The following LRMDA variants were observed in gnomAD, a reference collection of about 807,000 sequenced individuals.
LRMDA encodes leucine rich melanocyte differentiation associated, also known as leucine-rich melanocyte differentiation-associated protein.
A neutral mutation model predicts 29.8 loss-of-function variants in LRMDA; 18 were observed. That is an observed-to-expected ratio of 0.60 (90% confidence interval 0.42 to 0.90). The LOEUF (loss-of-function observed/expected upper bound fraction) is 0.90, where lower values mean the gene tolerates loss of function less well. LRMDA is among the 40% of genes least tolerant of loss of function. LRMDA has a pLI of 0.00. For synonymous variants in LRMDA, 125 were observed against 109.4 expected (o/e 1.14, Z -0.89); for missense variants, 273 against 273.9 (o/e 1.00, Z 0.02).
intron 2 of LRMDA, among the ~76,000 whole-genome samples, chr10:75,958,185 A>G (rs1394107885): frequency 6.6e-6 from 1 of 152,192 alleles, no homozygotes; most frequent in Non-Finnish European, 1.5e-5. Flanking sequence ...GGTGGCCAGC[A>G]GCCCCAAGGG....
chr10:75,775,144 G>A (rs1341928511), intron 2 of LRMDA, among the ~76,000 whole-genome samples: 1 of 152,224 alleles, frequency 6.6e-6, no homozygotes, highest in Non-Finnish European at 1.5e-5. Context: ...GGTTAGGCCT[G>A]TCCACACAAG....
intron 2 of LRMDA, among the ~76,000 whole-genome samples, chr10:76,028,382 G>A (rs1848095803): frequency 1.3e-5 from 2 of 152,044 alleles, no homozygotes; most frequent in South Asian, 4.2e-4. Context: ...TGTTAGAAGG[G>A]TTGCAAATAT....
At chr10:76,544,746 A>G (rs1387554130) in intron 6 of LRMDA, among the ~76,000 whole-genome samples, 3 of 127,648 alleles carry the variant, frequency 2.4e-5, no homozygotes. Flanking sequence ...ACACACACAC[A>G]CACACACAGC....
chr10:75,856,124 G>A (rs533358678), intron 2 of LRMDA, among the ~76,000 whole-genome samples: 16 of 152,050 alleles, frequency 1.1e-4, no homozygotes, highest in Non-Finnish European at 2.1e-4. Flanking sequence ...AGCTTGATGG[G>A]GATGGCATTG....
intron 2 of LRMDA, among the ~76,000 whole-genome samples, chr10:75,808,850 A>G (rs937492190): frequency 2.6e-5 from 4 of 152,076 alleles, no homozygotes; most frequent in East Asian, 1.9e-4. Flanking sequence ...AATTTCCCTA[A>G]TTTCTTAGAA....
At chr10:76,107,932 C>T (rs529597016) in intron 5 of LRMDA, among the ~76,000 whole-genome samples, 4 of 152,092 alleles carry the variant, frequency 2.6e-5, no homozygotes, top group Non-Finnish European at 5.9e-5. Flanking sequence ...GGTACCATGT[C>T]CTGGGATATT....
chr10:76,216,663 G>A (rs762777120), intron 5 of LRMDA, among the ~76,000 whole-genome samples: 6 of 152,262 alleles, frequency 3.9e-5, no homozygotes, highest in Non-Finnish European at 8.8e-5. Flanking sequence ...AAATGTTGGA[G>A]AGTATGTATA....
chr10:76,083,956 T>G (rs1274177534), intron 5 of LRMDA, among the ~76,000 whole-genome samples: 1 of 152,162 alleles, frequency 6.6e-6, no homozygotes, highest in Admixed American at 6.6e-5. Context: ...ACCTACTTAC[T>G]TAAATATGAA....
At chr10:75,508,377 C>T (rs1845191323) in intron 2 of LRMDA, among the ~76,000 whole-genome samples, 1 of 152,154 alleles carries the variant, frequency 6.6e-6, no homozygotes, top group Non-Finnish European at 1.5e-5. Flanking sequence ...ATCAGCTTGT[C>T]AGGTCTGAGT....
intron 5 of LRMDA, among the ~76,000 whole-genome samples, chr10:76,158,160 C>T (rs930010896): frequency 6.6e-6 from 1 of 152,118 alleles, no homozygotes; most frequent in African/African-American, 2.4e-5. Context: ...AACTTCATCT[C>T]TAACCATTCT....
rs1297791832 is a variant in LRMDA, at chr10:75,757,725, A to G, written c.132-278283A>G. On this transcript the variant is annotated intron_variant, in intron 2 of 6. Coordinates refer to ENST00000611255, the MANE Select transcript of LRMDA (RefSeq NM_001305581.2). Reference sequence around the variant, plus strand: ...AATAAGTGCTCAATAATTGCCAGCTATTTTAATTTAAATCAGACCACTTTA... The same window carrying G: ...AATAAGTGCTCAATAATTGCCAGCTGTTTTAATTTAAATCAGACCACTTTA... Among the ~76,000 whole-genome samples the G allele has an allele frequency of 2.0e-5, 3 of 151,996 alleles. No homozygotes were observed. In the East Asian group the frequency reaches 5.8e-4, roughly 29 times the overall value.
chr10:75,733,058 A>G (rs1048035478), intron 2 of LRMDA, among the ~76,000 whole-genome samples: 6 of 152,192 alleles, frequency 3.9e-5, no homozygotes, highest in African/African-American at 9.7e-5. Context: ...TTAGATTTAG[A>G]CCAGTGTTCA....
At chr10:75,968,202 G>A (rs1178731505) in intron 2 of LRMDA, among the ~76,000 whole-genome samples, 2 of 152,058 alleles carry the variant, frequency 1.3e-5, no homozygotes, top group Admixed American at 6.6e-5. Flanking sequence ...TTAGTGGGGA[G>A]CTCTTGTGAG....
At chr10:75,500,365 T>A (rs936507427) in intron 2 of LRMDA, among the ~76,000 whole-genome samples, 1 of 152,132 alleles carries the variant, frequency 6.6e-6, no homozygotes, top group Non-Finnish European at 1.5e-5. Context: ...TATCATAGGG[T>A]GAAGAATATT....
chr10:75,795,278 C>G (rs1843633084), intron 2 of LRMDA, among the ~76,000 whole-genome samples: 1 of 152,090 alleles, frequency 6.6e-6, no homozygotes. Flanking sequence ...CCTGTAATCT[C>G]AGTTATGCAG....
intron 5 of LRMDA, among the ~76,000 whole-genome samples, chr10:76,237,186 A>G (rs910817905): frequency 2.6e-5 from 4 of 152,184 alleles, no homozygotes; most frequent in Non-Finnish European, 4.4e-5. Context: ...CCTGTCTCTT[A>G]AAAAATAGCA....
intron 3 of LRMDA, among the ~76,000 whole-genome samples, chr10:76,044,129 G>C (rs1564637581): frequency 6.6e-6 from 1 of 152,204 alleles, no homozygotes; most frequent in Non-Finnish European, 1.5e-5. Context: ...ACAAGGGCCT[G>C]GCCTTGAGGT....
At chr10:75,690,995 A>ACACACACACT (rs1842139827) in intron 2 of LRMDA, among the ~76,000 whole-genome samples, 1 of 28,938 alleles carries the variant, frequency 3.5e-5, no homozygotes, top group African/African-American at 1.3e-4. Flanking sequence ...ATATATATAT[A>ACACACACACT]CACACACACA....
At chr10:76,352,014 GA>G (rs1841182879) in intron 6 of LRMDA, among the ~76,000 whole-genome samples, 1 of 152,148 alleles carries the variant, frequency 6.6e-6, no homozygotes, top group African/African-American at 2.4e-5. Context: ...TGACTCTGGA[GA>G]AGGTACTTGA....
Sources: allele counts gnomAD v4.1 joint callset (sites outside exome capture counted in the v4.1 genomes callset), GRCh38; gene constraint gnomAD v4.1.1; transcripts MANE v1.5; gene names NCBI Gene and HGNC (gene_info 2026-07-23, HGNC 2026-07-21).